TNNI3K: variants seen among roughly 807,000 people sequenced by gnomAD.
TNNI3K encodes TNNI3 interacting kinase.
In TNNI3K, 140 loss-of-function variants were observed where a neutral mutation model predicts 114.5. The observed-to-expected ratio is 1.22, with a 90% CI of 1.07 to 1.41. The LOEUF (loss-of-function observed/expected upper bound fraction) is 1.41, where lower values mean the gene tolerates loss of function less well. Ranked by LOEUF, TNNI3K falls within the 40% of genes most tolerant of loss-of-function variation. The probability of loss-of-function intolerance (pLI) is 0.00; values close to 1 mark genes in which losing one functional copy is unlikely to be tolerated. For missense variants in TNNI3K, 1,125 were observed against 1,007.6 expected (o/e 1.12, Z -1.58); for synonymous variants, 347 against 347.5 (o/e 1.00, Z 0.02).
intron 5 of TNNI3K, among the ~76,000 whole-genome samples, chr1:74,317,830 A>G (rs2100372566): frequency 6.6e-6 from 1 of 152,204 alleles, no homozygotes; most frequent in South Asian, 2.1e-4. Flanking sequence ...CTGTTGGTCC[A>G]TTTCCCAATC....
chr1:74,494,755 C>T (rs187928206), intron 23 of TNNI3K, among the ~76,000 whole-genome samples: 9 of 152,282 alleles, frequency 5.9e-5, no homozygotes, highest in Admixed American at 5.9e-4. Context: ...TTATTTAAAT[C>T]TCACATGTAA....
At chr1:74,236,943 A>G (rs540740666) in intron 2 of TNNI3K, among the ~76,000 whole-genome samples, 1 of 152,044 alleles carries the variant, frequency 6.6e-6, no homozygotes, top group Admixed American at 6.6e-5. Context: ...TAGGCCAATT[A>G]GCCATGTTCA....
chr1:74,337,378 G>C (rs905625983), intron 7 of TNNI3K, among the ~76,000 whole-genome samples: 4 of 151,088 alleles, frequency 2.6e-5, no homozygotes, highest in African/African-American at 9.7e-5. Flanking sequence ...GTCAATTTTG[G>C]CTTTTGTTGC....
chr1:74,248,521 G>A (rs1654730423), intron 2 of TNNI3K, among the ~76,000 whole-genome samples: 1 of 152,218 alleles, frequency 6.6e-6, no homozygotes, highest in Admixed American at 6.5e-5. Context: ...CATGTGATAT[G>A]CAATCAAAAA....
intron 2 of TNNI3K, among the ~76,000 whole-genome samples, chr1:74,247,489 C>T (rs193188669): frequency 1.3e-5 from 2 of 152,312 alleles, no homozygotes; most frequent in Admixed American, 1.3e-4. Context: ...AAGCAAGTTG[C>T]CGATGGTGGC....
At position 74,336,252 on chromosome 1, in the gene TNNI3K, G is replaced by A; in HGVS notation, c.682+103G>A. 4 of 1,365,352 alleles carry A rather than the reference G, an allele frequency of 2.9e-6. No individual in the cohort carries two copies. The South Asian group carries it at 6.3e-5, about 21-fold the overall frequency. The allele number at this position is 1,365,352 out of a possible 1,614,324, so 84.6% of individuals were successfully genotyped here. On this transcript the variant is annotated intron_variant, in intron 7 of 24. Coordinates refer to ENST00000326637, the MANE Select transcript of TNNI3K (RefSeq NM_015978.3). Reference sequence around the variant, plus strand: ...AATAATCTTGAAGTTGACTAATCCTGTAGTCATGTACTTATTTGCTCCACA... The same window carrying A: ...AATAATCTTGAAGTTGACTAATCCTATAGTCATGTACTTATTTGCTCCACA...
Position 74,474,800 on chromosome 1 carries a change from T to C in TNNI3K, c.2121+11250T>C, listed in dbSNP as rs1033623629. On this transcript the variant is annotated intron_variant, in intron 21 of 24. Coordinates refer to ENST00000326637, the MANE Select transcript of TNNI3K (RefSeq NM_015978.3). ...CCCTGGACTGGGAAGTTATCATCCC[T>C]GACAGCTCAGCAAGCAAAGTACGTT... is the stretch of plus-strand genomic sequence containing the variant. 3.3e-5 allele frequency among the ~76,000 whole-genome samples: 5 copies of C among 152,154 alleles called. No individual in the cohort carries two copies. The South Asian group carries it at 1.0e-3, about 32-fold the overall frequency.
intron 17 of TNNI3K, among the ~76,000 whole-genome samples, chr1:74,410,042 A>T (rs1664809307): frequency 6.6e-6 from 1 of 152,182 alleles, no homozygotes; most frequent in East Asian, 1.9e-4. Context: ...ACAAAAAGAT[A>T]GTTAAGCTGC....
intron 20 of TNNI3K, among the ~76,000 whole-genome samples, chr1:74,461,262 C>T (rs932206308): frequency 6.6e-6 from 1 of 152,102 alleles, no homozygotes; most frequent in Non-Finnish European, 1.5e-5. Flanking sequence ...AGGAGGATCA[C>T]GAGGTCAGGA....
chr1:74,427,373 T>TA (rs1360628467), intron 17 of TNNI3K, among the ~76,000 whole-genome samples: 1 of 151,878 alleles, frequency 6.6e-6, no homozygotes, highest in Non-Finnish European at 1.5e-5. Flanking sequence ...TTTTCATACT[T>TA]AAATGTAACA....
chr1:74,414,945 C>T (rs1665048996), intron 17 of TNNI3K, among the ~76,000 whole-genome samples: 1 of 152,170 alleles, frequency 6.6e-6, no homozygotes, highest in African/African-American at 2.4e-5. Flanking sequence ...TTATGTTACT[C>T]CTACACTCAA....
chr1:74,317,073 T>A (rs1364631826), intron 5 of TNNI3K, among the ~76,000 whole-genome samples: 1 of 152,214 alleles, frequency 6.6e-6, no homozygotes, highest in Non-Finnish European at 1.5e-5. Flanking sequence ...CTTTACTGCC[T>A]GTCTTCTGGC....
At chr1:74,471,208 C>A in intron 21 of TNNI3K, 1 of 400,586 alleles carries the variant, frequency 2.5e-6, no homozygotes. Flanking sequence ...CAGGGGGGCA[C>A]GTTTAGTGTT....
chr1:74,513,399 A>G (rs530826159), intron 23 of TNNI3K, among the ~76,000 whole-genome samples: 1 of 152,310 alleles, frequency 6.6e-6, no homozygotes, highest in East Asian at 1.9e-4. Context: ...GAACCTGATG[A>G]TGACTGTCTT....
rs114324749 is a variant in TNNI3K, at chr1:74,263,920, A to C, written c.334-7678A>C. Among the ~76,000 whole-genome samples the C allele has an allele frequency of 3.9e-3, 596 of 152,124 alleles. 4 individuals are homozygous for C. Among genetic ancestry groups the C allele is most frequent in the African/African-American group, 0.014 (570 of 41,536 alleles). On this transcript the variant is annotated intron_variant, in intron 4 of 24. Transcript: ENST00000326637. The stretch of plus-strand genomic sequence containing the variant: ...ATGCCTTTTCAAGTAGCATGTATTT[A>C]CTTCCCCCGCCCCACTGCAATAGGT...
At chr1:74,515,276 G>C (rs959454149) in intron 23 of TNNI3K, among the ~76,000 whole-genome samples, 1 of 152,154 alleles carries the variant, frequency 6.6e-6, no homozygotes, top group African/African-American at 2.4e-5. Flanking sequence ...ACTCCAGACT[G>C]AATGTTAGGT....
At chr1:74,451,834 A>G (rs972398868) in intron 20 of TNNI3K, among the ~76,000 whole-genome samples, 7 of 150,260 alleles carry the variant, frequency 4.7e-5, no homozygotes, top group African/African-American at 1.7e-4. Context: ...GTGGTAAGAT[A>G]TATACCTCAG....
intron 21 of TNNI3K, chr1:74,470,608 T>A (rs1194521474): frequency 1.0e-5 from 4 of 400,602 alleles, no homozygotes; most frequent in Non-Finnish European, 1.8e-5. Context: ...GAGAGAGGAA[T>A]CATAAGTTTC....
rs1209569591 is a variant in TNNI3K at position 74,261,315 on chromosome 1, A to T, written c.334-10283A>T. Among the ~76,000 whole-genome samples, 6 of 152,074 alleles carry T rather than the reference A, an allele frequency of 3.9e-5. No homozygotes were observed. The South Asian group carries it at 8.3e-4, about 21-fold the overall frequency. Reference sequence around the variant, plus strand: ...GAGAGGCAGCTCTCAGTCCTTTCCCATGTAGAATTTTAAGTATATATTATA... The same window carrying T: ...GAGAGGCAGCTCTCAGTCCTTTCCCTTGTAGAATTTTAAGTATATATTATA... On this transcript the variant is annotated intron_variant, in intron 4 of 24. Transcript: ENST00000326637.
Sources: allele counts gnomAD v4.1 joint callset (sites outside exome capture counted in the v4.1 genomes callset), GRCh38; gene constraint gnomAD v4.1.1; transcripts MANE v1.5; gene names NCBI Gene and HGNC (gene_info 2026-07-23, HGNC 2026-07-21).